The following SVEP1 variants were observed in gnomAD, a reference collection of about 807,000 sequenced individuals.
SVEP1 encodes the protein sushi, von Willebrand factor type A, EGF and pentraxin domain containing 1.
In SVEP1, 164 loss-of-function variants were observed where a neutral mutation model predicts 367.3. The observed-to-expected ratio is 0.45, with a 90% CI of 0.39 to 0.51. The LOEUF is 0.51. Among genes scored for constraint, SVEP1 ranks in the 20% least tolerant of loss-of-function variants. The pLI is 0.00. For missense variants in SVEP1, 4,117 were observed against 4,425.3 expected, an observed-to-expected ratio of 0.93 and a Z score of 1.98; for synonymous variants, 1,666 against 1,611.6, an observed-to-expected ratio of 1.03 and a Z score of -0.81.
intron 3 of SVEP1, among the ~76,000 whole-genome samples, chr9:110,534,472 C>A (rs1016856053): frequency 6.6e-6 from 1 of 152,040 alleles, no homozygotes; most frequent in Non-Finnish European, 1.5e-5. Flanking sequence ...TTATGAATAG[C>A]GCTGCAATAA....
intron 40 of SVEP1, among the ~76,000 whole-genome samples, chr9:110,392,155 C>CTATATATATATATA (rs1564128257): frequency 1.6e-5 from 2 of 126,500 alleles, no homozygotes; most frequent in African/African-American, 6.3e-5. Flanking sequence ...ATATATATAT[C>CTATATATATATATA]TCTTCTCTCT....
chr9:110,573,221 A>G (rs899796394), intron 1 of SVEP1, among the ~76,000 whole-genome samples: 1 of 151,908 alleles, frequency 6.6e-6, no homozygotes, highest in Non-Finnish European at 1.5e-5. Context: ...TTATTTCAGC[A>G]CTGGGGCCAT....
chr9:110,491,616 T>G (rs1372211592), intron 8 of SVEP1, among the ~76,000 whole-genome samples: 1 of 151,228 alleles, frequency 6.6e-6, no homozygotes, highest in African/African-American at 2.4e-5. Flanking sequence ...TGTGTGTGTG[T>G]GCAAATTTAT....
intron 31 of SVEP1, 104 bp downstream of exon 31, chr9:110,432,358 A>G: frequency 7.1e-7 from 1 of 1,412,524 alleles, no homozygotes; most frequent in Non-Finnish European, 9.6e-7. Flanking sequence ...CTGGGATGAG[A>G]TAAAGTTAAC....
chr9:110,385,564 C>T (rs1588024057), intron 43 of SVEP1, among the ~76,000 whole-genome samples: 1 of 152,098 alleles, frequency 6.6e-6, no homozygotes, highest in East Asian at 1.9e-4. Flanking sequence ...TTTTCTGTTG[C>T]AAAACATTCA....
Position 110,379,355 on chromosome 9 carries a change from A to G in SVEP1, c.10400T>C (p.Ile3467Thr). The G allele has an allele frequency of 1.2e-6, 2 of 1,613,512 alleles. No homozygotes were observed. Among genetic ancestry groups the G allele is most frequent in the South Asian group, 2.2e-5 (2 of 90,990 alleles). The change falls in exon 44 of 48, where the codon ATT (isoleucine) becomes ACT (threonine). Residue 3467 changes from isoleucine to threonine, a missense_variant. This residue lies in a region of SVEP1 where 1,765 missense variants were observed against 1,781.1 expected (regional missense o/e 0.99). Coordinates refer to ENST00000374469, the MANE Select transcript of SVEP1 (RefSeq NM_153366.4). ...TTCAAATATTTCCTTACCTCTGCAA[A>G]TAGGAGGTGATGTCCATGTTCCATT... ...LENGTWTSPPICRAVCRFPCQ... is the reference protein window; with the variant it reads ...LENGTWTSPPTCRAVCRFPCQ...
intron 8 of SVEP1, among the ~76,000 whole-genome samples, chr9:110,491,617 G>A (rs1829367987): frequency 6.6e-6 from 1 of 150,784 alleles, no homozygotes; most frequent in Non-Finnish European, 1.5e-5. Flanking sequence ...GTGTGTGTGT[G>A]CAAATTTATC....
intron 5 of SVEP1, 197 bp downstream of exon 5, chr9:110,512,729 A>T: frequency 1.5e-6 from 1 of 674,348 alleles, no homozygotes; most frequent in Non-Finnish European, 2.5e-6. Flanking sequence ...AAAGGGCTAT[A>T]AAAGGCGTAG....
At chr9:110,431,229 A>T (rs1828345068) in intron 32 of SVEP1, among the ~76,000 whole-genome samples, 1 of 152,228 alleles carries the variant, frequency 6.6e-6, no homozygotes. Flanking sequence ...AAAGTTACTT[A>T]TGGAAAATCC....
chr9:110,533,763 C>T (rs1283080371), intron 3 of SVEP1, among the ~76,000 whole-genome samples: 1 of 152,158 alleles, frequency 6.6e-6, no homozygotes, highest in Non-Finnish European at 1.5e-5. Context: ...CTAACATTGG[C>T]CATCATCTAA....
At chr9:110,450,325 G>C in intron 23 of SVEP1, 65 bp from the exon 24 acceptor site, 1 of 1,526,932 alleles carries the variant, frequency 6.5e-7, no homozygotes, top group South Asian at 1.2e-5. Context: ...TGTAACTAAA[G>C]TGTTGACTCC....
intron 25 of SVEP1, 67 bp from the exon 26 acceptor site, chr9:110,446,105 C>A: frequency 1.4e-6 from 2 of 1,429,682 alleles, no homozygotes; most frequent in Non-Finnish European, 1.9e-6. Context: ...TCAGAGGAAG[C>A]AGTGCTATTG....
At chr9:110,465,834 A>C in intron 18 of SVEP1, 31 bp downstream of exon 18, 2 of 1,601,572 alleles carry the variant, frequency 1.2e-6, no homozygotes, top group Non-Finnish European at 1.7e-6. Context: ...AGTAGGTTTA[A>C]AGAAATATCA....
Position 110,465,379 on chromosome 9 carries a change from T to C in SVEP1, c.3322+486A>G, listed in dbSNP as rs537012538. ...TCTGGGAGAGAGGATCAGGTTTCAG[T>C]ATTTTAAAAATACTCATGTAAATGT... On this transcript the variant is annotated intron_variant, in intron 18 of 47. Transcript: ENST00000374469. Among the ~76,000 whole-genome samples the C allele has an allele frequency of 6.8e-4, 103 of 152,280 alleles. 1 individual carries two copies. Among genetic ancestry groups the C allele is most frequent in the African/African-American group, 2.3e-3 (94 of 41,560 alleles).
At chr9:110,546,780 T>C (rs1234470052) in intron 2 of SVEP1, among the ~76,000 whole-genome samples, 4 of 152,180 alleles carry the variant, frequency 2.6e-5, no homozygotes, top group Non-Finnish European at 5.9e-5. Context: ...CACTGTCACT[T>C]CTATGGTATT....
intron 19 of SVEP1, 125 bp from the exon 20 acceptor site, chr9:110,458,687 T>C (rs1828813243): frequency 5.8e-6 from 6 of 1,039,148 alleles, no homozygotes; most frequent in East Asian, 2.6e-5. Context: ...GTTTCACTTA[T>C]ATTTTAAAAA....
At chr9:110,543,493 G>A (rs187236644) in intron 3 of SVEP1, among the ~76,000 whole-genome samples, 66 of 152,268 alleles carry the variant, frequency 4.3e-4, no homozygotes, top group Non-Finnish European at 2.4e-4. Flanking sequence ...AGACTGCTGC[G>A]CCTTTCATCC....
intron 3 of SVEP1, among the ~76,000 whole-genome samples, chr9:110,544,563 A>G (rs926741626): frequency 6.6e-6 from 1 of 152,220 alleles, no homozygotes; most frequent in African/African-American, 2.4e-5. Context: ...AAATATAAAG[A>G]TCTTCTTATA....
chr9:110,544,116 G>T (rs1830188048), intron 3 of SVEP1, among the ~76,000 whole-genome samples: 1 of 151,926 alleles, frequency 6.6e-6, no homozygotes. Flanking sequence ...AAAGAAAGAT[G>T]CAAGAGGAAA....
Sources: allele counts gnomAD v4.1 joint callset (sites outside exome capture counted in the v4.1 genomes callset), GRCh38; gene constraint gnomAD v4.1.1; regional missense constraint gnomAD v4.1.1; transcripts MANE v1.5; gene names NCBI Gene and HGNC (gene_info 2026-07-23, HGNC 2026-07-21).